CENPP: variants seen among roughly 807,000 people sequenced by gnomAD.
CENPP encodes centromere protein P.
In CENPP, 24 loss-of-function variants were observed where a neutral mutation model predicts 35.6. The ratio of observed to expected loss-of-function variants is 0.67; its 90% CI spans 0.49 to 0.95. The LOEUF (loss-of-function observed/expected upper bound fraction) is 0.95. CENPP is among the 40% of genes least tolerant of loss of function. CENPP has a pLI of 0.00. For synonymous variants in CENPP, 120 were observed against 125.5 expected, an observed-to-expected ratio of 0.96 and a Z score of 0.29; for missense variants, 332 against 345.3, an observed-to-expected ratio of 0.96 and a Z score of 0.31.
intron 5 of CENPP, among the ~76,000 whole-genome samples, chr9:92,453,628 A>G (rs575372624): frequency 1.3e-5 from 2 of 152,196 alleles, no homozygotes; most frequent in East Asian, 3.9e-4. Flanking sequence ...TTAGACTCCC[A>G]CACAATAATA....
At chr9:92,466,260 A>C in intron 5 of CENPP, 2 of 832,094 alleles carry the variant, frequency 2.4e-6, no homozygotes, top group African/African-American at 1.7e-5. Context: ...TTATTCAAAA[A>C]TTAATTTTGG....
rs569981850 is a variant in CENPP at position 92,474,555 on chromosome 9, T to A, written c.564+94696T>A. ...ATTATTTTTGAAATTTCAATGAGAC[T>A]TTTTCCATCCTTTAAATTGTCAGAA... On this transcript the variant is annotated intron_variant, in intron 5 of 7. Transcript: ENST00000375587. The A allele has an allele frequency of 3.3e-6, 5 of 1,532,650 alleles. No individual in the cohort carries two copies. The South Asian group carries it at 6.7e-5, about 20-fold the overall frequency. 94.9% of individuals were successfully genotyped at this position (1,532,650 alleles called of 1,614,324 possible). A position where few individuals can be genotyped will look rare whatever the true frequency, so the allele number is the denominator to read the frequency against.
intron 5 of CENPP, chr9:92,416,613 A>G (rs1236466465): frequency 6.8e-7 from 1 of 1,467,332 alleles, no homozygotes; most frequent in Non-Finnish European, 9.3e-7. Context: ...ATAAAAGTCT[A>G]CATACTTTCT....
intron 4 of CENPP, among the ~76,000 whole-genome samples, chr9:92,374,385 A>G (rs1371085542): frequency 6.6e-6 from 1 of 151,836 alleles, no homozygotes; most frequent in East Asian, 1.9e-4. Context: ...TTGTATTTCT[A>G]GTAGAGACGG....
intron 5 of CENPP, chr9:92,539,332 C>T (rs1010570782): frequency 4.6e-5 from 7 of 151,024 alleles, no homozygotes; most frequent in East Asian, 1.9e-4. Flanking sequence ...AGGTTTCTCC[C>T]GCCTTCCCCC....
intron 5 of CENPP, among the ~76,000 whole-genome samples, chr9:92,523,808 G>T (rs963446437): frequency 3.9e-5 from 6 of 152,168 alleles, no homozygotes; most frequent in Non-Finnish European, 8.8e-5. Context: ...AGTGTTTATA[G>T]ATAAGAGAGC....
chr9:92,485,008 T>C (rs773584677), intron 5 of CENPP, among the ~76,000 whole-genome samples: 18 of 152,324 alleles, frequency 1.2e-4, no homozygotes, highest in Non-Finnish European at 2.1e-4. Flanking sequence ...TTCACTCTGT[T>C]CTGCAGATAA....
chr9:92,362,788 G>A (rs986219765), intron 4 of CENPP, among the ~76,000 whole-genome samples: 5 of 152,080 alleles, frequency 3.3e-5, no homozygotes, highest in Non-Finnish European at 7.3e-5. Context: ...ACATTTCTCA[G>A]TAGGCATTTG....
chr9:92,619,487 T>A lies in CENPP; in HGVS notation c.*6338T>A. 3.2e-6 allele frequency: 5 copies of A among 1,585,626 alleles called. No individual in the cohort carries two copies. Among genetic ancestry groups the A allele is most frequent in the Non-Finnish European group, 4.3e-6 (5 of 1,165,986 alleles). ...CATGCCTTGCAGTGGGGGCCTCACC[T>A]GGCATCCTGCAGACAGGGAGACAGT... is the stretch of plus-strand genomic sequence containing the variant. On this transcript the variant is annotated 3_prime_UTR_variant, in exon 8 of 8. Coordinates refer to ENST00000375587, the MANE Select transcript of CENPP (RefSeq NM_001012267.3).
intron 5 of CENPP, among the ~76,000 whole-genome samples, chr9:92,589,497 C>T (rs1322117302): frequency 6.6e-6 from 1 of 151,938 alleles, no homozygotes; most frequent in Non-Finnish European, 1.5e-5. Flanking sequence ...GAAGATATGC[C>T]CTTGTCTGTC....
At chr9:92,377,107 C>G (rs1462498712) in intron 4 of CENPP, among the ~76,000 whole-genome samples, 1 of 151,526 alleles carries the variant, frequency 6.6e-6, no homozygotes, top group East Asian at 1.9e-4. Flanking sequence ...TATCCCTTTT[C>G]TATTGCAGAG....
At chr9:92,398,876 A>G (rs1316516809) in intron 5 of CENPP, among the ~76,000 whole-genome samples, 2 of 152,142 alleles carry the variant, frequency 1.3e-5, no homozygotes, top group African/African-American at 4.8e-5. Flanking sequence ...AGCCTGACCA[A>G]CATGGTGAAA....
At chr9:92,432,896 A>G (rs573803522) in intron 5 of CENPP, among the ~76,000 whole-genome samples, 1 of 152,328 alleles carries the variant, frequency 6.6e-6, no homozygotes, top group Non-Finnish European at 1.5e-5. Context: ...AATTTGGGGA[A>G]TACATAATCC....
chr9:92,570,906 T>C (rs1420935342), intron 5 of CENPP, among the ~76,000 whole-genome samples: 3 of 150,744 alleles, frequency 2.0e-5, no homozygotes, highest in Non-Finnish European at 3.0e-5. Flanking sequence ...TTTGTATTTC[T>C]GTGGGATTGG....
intron 5 of CENPP, among the ~76,000 whole-genome samples, chr9:92,410,357 A>G (rs989065899): frequency 2.0e-5 from 3 of 152,148 alleles, no homozygotes; most frequent in East Asian, 1.9e-4. Context: ...CGTGGGATGC[A>G]TTTACTTATA....
chr9:92,504,184 T>TAAAAA (rs137882258), intron 5 of CENPP, among the ~76,000 whole-genome samples: 4,949 of 152,328 alleles, frequency 0.032, 124 homozygotes, highest in South Asian at 0.083. Context: ...CCACAAAGAA[T>TAAAAA]CTGACTTAGC....
rs753087835 is a variant in CENPP at position 92,401,234 on chromosome 9, TC to T, written c.564+21376del. ...TACCTAGCTTCATTAAGTCTGTGTTTCTCTGTAAAATGAAGGGATCACAGAC... is the reference window on the plus strand; with the variant it reads ...TACCTAGCTTCATTAAGTCTGTGTTTTCTGTAAAATGAAGGGATCACAGAC... On this transcript the variant is annotated intron_variant, in intron 5 of 7. Coordinates refer to ENST00000375587, the MANE Select transcript of CENPP (RefSeq NM_001012267.3). 5 of 846,574 alleles carry T rather than the reference TC, an allele frequency of 5.9e-6. No individual in the cohort carries two copies. In the Admixed American group the frequency reaches 9.9e-5, roughly 17 times the overall value. 52.4% of individuals were successfully genotyped at this position (846,574 alleles called of 1,614,324 possible).
chr9:92,367,896 G>A lies in CENPP; in HGVS notation c.468-11867G>A, dbSNP rs919968621. Among the ~76,000 whole-genome samples, 4 of 152,208 alleles carry A rather than the reference G, an allele frequency of 2.6e-5. No individual in the cohort carries two copies. The South Asian group carries it at 6.2e-4, about 24-fold the overall frequency. On this transcript the variant is annotated intron_variant, in intron 4 of 7. Transcript: ENST00000375587. The stretch of plus-strand genomic sequence containing the variant: ...CGCCCAAAGCACTGGGATTGCAGGC[G>A]TGAGACAGCGCACCTGGCCTATAGT...
At chr9:92,415,621 A>G (rs1380259961) in intron 5 of CENPP, 3 of 387,020 alleles carry the variant, frequency 7.8e-6, no homozygotes, top group Admixed American at 4.5e-5. Context: ...TCCTTTTTAT[A>G]TTAATCAAAT....
Sources: gnomAD v4.1 joint callset for allele counts (sites outside exome capture counted in the v4.1 genomes callset) on GRCh38, gnomAD v4.1.1 for gene constraint, MANE v1.5 for transcripts, NCBI Gene and HGNC (gene_info 2026-07-23, HGNC 2026-07-21) for gene names.